The following FGGY variants were observed in gnomAD, a reference collection of about 807,000 sequenced individuals.
FGGY encodes the protein FGGY carbohydrate kinase domain-containing protein.
Under a neutral mutation model 71.3 loss-of-function variants are expected in FGGY, and 72 were observed. The observed-to-expected ratio is 1.01, with a 90% confidence interval of 0.84 to 1.23. The LOEUF (loss-of-function observed/expected upper bound fraction) is 1.23. FGGY is among the 50% of genes most tolerant of loss of function. The probability of loss-of-function intolerance (pLI) is 0.00; values close to 1 mark genes in which losing one functional copy is unlikely to be tolerated. For missense variants in FGGY, 668 were observed against 682.3 expected (o/e 0.98, Z 0.23); for synonymous variants, 251 against 250.3 (o/e 1.00, Z -0.02).
chr1:59,671,707 T>A (rs1306382667), intron 13 of FGGY, among the ~76,000 whole-genome samples: 1 of 152,204 alleles, frequency 6.6e-6, no homozygotes, highest in East Asian at 1.9e-4. Context: ...AAGAGCCTTA[T>A]TATAATAGCA....
In FGGY at chr1:59,382,664, G is replaced by A. The variant is rs550768701; in HGVS notation, c.554+3827G>A. 1.6e-4 allele frequency among the ~76,000 whole-genome samples: 24 copies of A among 152,214 alleles called. No homozygotes were observed. In the East Asian group the frequency reaches 3.5e-3, roughly 22 times the overall value. Reference sequence around the variant, plus strand: ...TAGGTTTTTTCATCATTGTACATCCGTGAAAGAAATGTTTTGATCATTTTG... The same window carrying A: ...TAGGTTTTTTCATCATTGTACATCCATGAAAGAAATGTTTTGATCATTTTG... On this transcript the variant is annotated intron_variant, in intron 5 of 15. Coordinates refer to ENST00000303721, the MANE Select transcript of FGGY (RefSeq NM_018291.5).
intron 7 of FGGY, among the ~76,000 whole-genome samples, chr1:59,532,119 A>C (rs923843790): frequency 6.6e-6 from 1 of 152,222 alleles, no homozygotes; most frequent in Non-Finnish European, 1.5e-5. Flanking sequence ...ATGGTCAACA[A>C]ATTATAGGAG....
chr1:59,327,513 A>T (rs1170080134), intron 2 of FGGY, among the ~76,000 whole-genome samples: 1 of 152,128 alleles, frequency 6.6e-6, no homozygotes, highest in East Asian at 1.9e-4. Flanking sequence ...TCCTCCACTT[A>T]AGTCTTGAGC....
intron 6 of FGGY, among the ~76,000 whole-genome samples, chr1:59,465,341 T>C (rs1157631417): frequency 6.6e-6 from 1 of 152,170 alleles, no homozygotes; most frequent in Non-Finnish European, 1.5e-5. Context: ...AAACTAGGTA[T>C]TGATGGAACA....
At chr1:59,412,251 A>G (rs1376554649) in intron 5 of FGGY, among the ~76,000 whole-genome samples, 1 of 152,048 alleles carries the variant, frequency 6.6e-6, no homozygotes, top group African/African-American at 2.4e-5. Flanking sequence ...TGTGGTTGCT[A>G]CCTCTGGATC....
In FGGY at chr1:59,542,522, C is replaced by T. The variant is rs563194760; in HGVS notation, c.800-11602C>T. Among the ~76,000 whole-genome samples the T allele has an allele frequency of 2.3e-3, 290 of 127,522 alleles. 2 individuals are homozygous for T. Among genetic ancestry groups the T allele is most frequent in the Non-Finnish European group, 3.0e-3 (195 of 64,542 alleles). The allele number at this position is 127,522 out of a possible 152,430, so 83.7% of individuals were successfully genotyped here. A position where few individuals can be genotyped will look rare whatever the true frequency, so the allele number is the denominator to read the frequency against. ...TTGCCCAGGCTGGAGTGCGATGGCA[C>T]GATCTTGGCTCACTGCAACCTCCGC... On this transcript the variant is annotated intron_variant, in intron 7 of 15. Transcript: ENST00000303721.
Position 59,466,926 on chromosome 1 carries a change from T to C in FGGY, c.670+9850T>C, listed in dbSNP as rs546099974. 3.9e-5 allele frequency among the ~76,000 whole-genome samples: 6 copies of C among 152,256 alleles called. No homozygotes were observed. The South Asian group carries it at 1.0e-3, about 26-fold the overall frequency. ...GTGGTAGTGTAAACTAGTTCAACCA[T>C]TGTGGAAGATAGTGTGGCAATTCTT... is the stretch of plus-strand genomic sequence containing the variant. On this transcript the variant is annotated intron_variant, in intron 6 of 15. Coordinates refer to ENST00000303721, the MANE Select transcript of FGGY (RefSeq NM_018291.5).
chr1:59,627,511 G>T (rs1384265971), intron 10 of FGGY, among the ~76,000 whole-genome samples: 4 of 127,372 alleles, frequency 3.1e-5, no homozygotes, highest in African/African-American at 8.8e-5. Flanking sequence ...CACACACACA[G>T]CTGGATATAA....
chr1:59,549,454 G>A (rs2095574857), intron 7 of FGGY, among the ~76,000 whole-genome samples: 1 of 152,182 alleles, frequency 6.6e-6, no homozygotes. Flanking sequence ...TCCTAGTTGA[G>A]TCCAACTTCT....
At chr1:59,546,998 G>A (rs1411218718) in intron 7 of FGGY, among the ~76,000 whole-genome samples, 3 of 143,244 alleles carry the variant, frequency 2.1e-5, no homozygotes, top group African/African-American at 7.9e-5. Flanking sequence ...TGTGGCCCAG[G>A]CTTGAATGCA....
At chr1:59,422,299 G>T (rs1456366593) in intron 5 of FGGY, among the ~76,000 whole-genome samples, 1 of 152,198 alleles carries the variant, frequency 6.6e-6, no homozygotes, top group Non-Finnish European at 1.5e-5. Flanking sequence ...AATAGATTCA[G>T]TTGCTCAGGA....
intron 7 of FGGY, among the ~76,000 whole-genome samples, chr1:59,544,498 C>T (rs1398177551): frequency 2.6e-5 from 4 of 152,102 alleles, no homozygotes; most frequent in Non-Finnish European, 4.4e-5. Context: ...GGTTTAATGA[C>T]CTGCTTTAGG....
At chr1:59,435,656 G>T (rs2153467120) in intron 5 of FGGY, among the ~76,000 whole-genome samples, 1 of 152,096 alleles carries the variant, frequency 6.6e-6, no homozygotes, top group East Asian at 1.9e-4. Flanking sequence ...CTCAGAGTGG[G>T]CCTTTGCTGC....
chr1:59,571,027 A>T (rs187711059), intron 8 of FGGY, among the ~76,000 whole-genome samples: 9 of 152,154 alleles, frequency 5.9e-5, no homozygotes, highest in Admixed American at 3.9e-4. Flanking sequence ...TTCAAAAAGC[A>T]CTTGTCATGG....
chr1:59,436,577 A>G (rs1183751700), intron 5 of FGGY, among the ~76,000 whole-genome samples: 1 of 152,240 alleles, frequency 6.6e-6, no homozygotes, highest in East Asian at 1.9e-4. Context: ...GAATAAATGA[A>G]TAAATAAATG....
In FGGY at chr1:59,582,256, C is replaced by A. The variant is rs537918921; in HGVS notation, c.904-25547C>A. ...AGAGCAAGAACTTGTCTCAAAAAAA[C>A]CCCCAGAAATCATCCAATTCAGTAT... is the stretch of plus-strand genomic sequence containing the variant. On this transcript the variant is annotated intron_variant, in intron 8 of 15. Coordinates refer to ENST00000303721, the MANE Select transcript of FGGY (RefSeq NM_018291.5). 1.5e-3 allele frequency among the ~76,000 whole-genome samples: 220 copies of A among 149,892 alleles called. 20 individuals carry two copies. Among genetic ancestry groups the A allele is most frequent in the African/African-American group, 4.8e-3 (191 of 39,668 alleles).
chr1:59,381,671 A>G (rs78861723), intron 5 of FGGY, among the ~76,000 whole-genome samples: 10,399 of 134,372 alleles, frequency 0.077, 474 homozygotes, highest in Non-Finnish European at 0.1. Context: ...GTGTGTGTGT[A>G]TATTTTGGCC....
intron 6 of FGGY, 143 bp from the exon 7 acceptor site, chr1:59,512,168 G>A (rs2094534459): frequency 1.3e-6 from 1 of 797,432 alleles, no homozygotes; most frequent in Non-Finnish European, 1.8e-6. Context: ...ATGAGCAAAG[G>A]GACTCTTGAT....
rs71046339 is a variant in FGGY, at chr1:59,721,337, G to GTTTTTTTTTTTTTTTTTTTT, written c.1513-36575_1513-36574insTTTTTTTTTTTTTTTTTTTT. On this transcript the variant is annotated intron_variant, in intron 14 of 15. Coordinates refer to ENST00000303721, the MANE Select transcript of FGGY (RefSeq NM_018291.5). ...AGAGAGTTTTTCTTTTCTTTCCTTT[G>GTTTTTTTTTTTTTTTTTTTT]TTTTTTTTTTTTTTTTTTTGAGACG... Among the ~76,000 whole-genome samples, 32 of 105,372 alleles carry GTTTTTTTTTTTTTTTTTTTT rather than the reference G, an allele frequency of 3.0e-4. 4 individuals carry two copies. The highest frequency in any genetic ancestry group is 1.3e-3 in the East Asian group (4 of 3,128). The allele number at this position is 105,372 out of a possible 152,430, so 69.1% of individuals were successfully genotyped here. A position where few individuals can be genotyped will look rare whatever the true frequency, so the allele number is the denominator to read the frequency against.
Sources: allele counts gnomAD v4.1 joint callset (sites outside exome capture counted in the v4.1 genomes callset), GRCh38; gene constraint gnomAD v4.1.1; transcripts MANE v1.5; gene names NCBI Gene and HGNC (gene_info 2026-07-23, HGNC 2026-07-21).